Variants in SEMA6D observed in about 807,000 individuals in gnomAD.
The protein encoded by SEMA6D is semaphorin-6D.
SEMA6D carries 35 observed loss-of-function variants against 106.6 expected under a neutral mutation model. The ratio of observed to expected loss-of-function variants is 0.33; its 90% CI spans 0.25 to 0.44. The LOEUF (loss-of-function observed/expected upper bound fraction) is 0.44, where lower values mean the gene tolerates loss of function less well. Ranked by LOEUF, SEMA6D falls within the 20% of genes least tolerant of loss-of-function variation. The pLI, the probability that SEMA6D is intolerant of heterozygous loss-of-function variation, is 1.00. For missense variants in SEMA6D, 1,185 were observed against 1,345.9 expected (o/e 0.88, Z 1.87); for synonymous variants, 499 against 487.7 (o/e 1.02, Z -0.31).
chr15:47,555,841 T>G (rs746254416), intron 3 of SEMA6D, among the ~76,000 whole-genome samples: 1 of 152,164 alleles, frequency 6.6e-6, no homozygotes, highest in Non-Finnish European at 1.5e-5. Flanking sequence ...AGCCAAAATA[T>G]AGATACTTTC....
At chr15:47,435,098 AG>A (rs1207574093) in intron 2 of SEMA6D, among the ~76,000 whole-genome samples, 1 of 152,134 alleles carries the variant, frequency 6.6e-6, no homozygotes, top group Non-Finnish European at 1.5e-5. Context: ...TTCGAATTTC[AG>A]TTTCTTTTTA....
chr15:47,665,278 A>G (rs1388786390), intron 4 of SEMA6D, among the ~76,000 whole-genome samples: 1 of 152,192 alleles, frequency 6.6e-6, no homozygotes, highest in African/African-American at 2.4e-5. Flanking sequence ...CATTTCCTCT[A>G]CGTTTAATTG....
chr15:47,214,290 CAGAG>C (rs1270429015), intron 1 of SEMA6D, among the ~76,000 whole-genome samples: 1 of 151,860 alleles, frequency 6.6e-6, no homozygotes, highest in Non-Finnish European at 1.5e-5. Flanking sequence ...GTCTTGTTGA[CAGAG>C]AGAAGGGAAA....
chr15:47,683,535 T>C (rs1211371778), intron 4 of SEMA6D, among the ~76,000 whole-genome samples: 2 of 152,236 alleles, frequency 1.3e-5, no homozygotes, highest in Non-Finnish European at 2.9e-5. Flanking sequence ...ACTCTGTACA[T>C]GGAAAACTCA....
At chr15:47,486,331 T>C (rs1277369590) in intron 3 of SEMA6D, among the ~76,000 whole-genome samples, 1 of 152,168 alleles carries the variant, frequency 6.6e-6, no homozygotes, top group Non-Finnish European at 1.5e-5. Flanking sequence ...AGAACTTACA[T>C]AGATTTTTAT....
chr15:47,254,860 T>C (rs1346523430), intron 1 of SEMA6D, among the ~76,000 whole-genome samples: 4 of 147,280 alleles, frequency 2.7e-5, no homozygotes, highest in African/African-American at 1.0e-4. Flanking sequence ...TCATCAGGGA[T>C]ATTGACCTGT....
chr15:47,525,563 A>G (rs908361483), intron 3 of SEMA6D: 11 of 152,188 alleles, frequency 7.2e-5, no homozygotes, highest in African/African-American at 2.7e-4. Context: ...GGTTTTAAAA[A>G]CTCATCCACA....
intron 4 of SEMA6D, among the ~76,000 whole-genome samples, chr15:47,605,989 T>C (rs1404878337): frequency 6.6e-6 from 1 of 152,138 alleles, no homozygotes; most frequent in Non-Finnish European, 1.5e-5. Context: ...GGCTGAAAGC[T>C]CCAAGCTTCT....
intron 1 of SEMA6D, among the ~76,000 whole-genome samples, chr15:47,354,497 TTA>T (rs368121186): frequency 1.4e-5 from 2 of 145,480 alleles, no homozygotes; most frequent in Non-Finnish European, 3.0e-5. Context: ...AAGAACTAAG[TTA>T]TATATATATA....
chr15:47,541,217 T>A (rs1017594257), intron 3 of SEMA6D, among the ~76,000 whole-genome samples: 3 of 152,192 alleles, frequency 2.0e-5, no homozygotes, highest in African/African-American at 7.2e-5. Flanking sequence ...TTGAAAATGC[T>A]GTTAGGAAGG....
intron 3 of SEMA6D, among the ~76,000 whole-genome samples, chr15:47,521,410 C>G (rs1656621): frequency 0.011 from 1,686 of 152,248 alleles, 28 homozygotes; most frequent in African/African-American, 0.039. Context: ...TGGACAATCT[C>G]TTCAACTAAA....
intron 3 of SEMA6D, among the ~76,000 whole-genome samples, chr15:47,555,625 G>A (rs2045895835): frequency 6.6e-6 from 1 of 152,128 alleles, no homozygotes; most frequent in Non-Finnish European, 1.5e-5. Flanking sequence ...AACATAGATT[G>A]CTGAGGCCAG....
intron 3 of SEMA6D, among the ~76,000 whole-genome samples, chr15:47,476,035 A>C (rs761679925): frequency 9.2e-5 from 14 of 152,190 alleles, no homozygotes; most frequent in Non-Finnish European, 1.8e-4. Context: ...CCTGTGCCAC[A>C]GGGGAGGGAC....
intron 1 of SEMA6D, among the ~76,000 whole-genome samples, chr15:47,215,392 A>G (rs963773038): frequency 6.6e-6 from 1 of 152,110 alleles, no homozygotes. Flanking sequence ...ACATTTTGCT[A>G]CACAGGGATC....
intron 4 of SEMA6D, among the ~76,000 whole-genome samples, chr15:47,633,692 A>G (rs550113350): frequency 6.6e-6 from 1 of 152,224 alleles, no homozygotes; most frequent in East Asian, 1.9e-4. Flanking sequence ...GAAATGTTCT[A>G]CTTCATTTAA....
At chr15:47,575,818 A>C (rs2076147379) in intron 3 of SEMA6D, among the ~76,000 whole-genome samples, 1 of 152,160 alleles carries the variant, frequency 6.6e-6, no homozygotes, top group Non-Finnish European at 1.5e-5. Flanking sequence ...ACATTGTGGT[A>C]TCTCTCCTTT....
At chr15:47,218,526 A>G (rs1202270585) in intron 1 of SEMA6D, among the ~76,000 whole-genome samples, 1 of 152,210 alleles carries the variant, frequency 6.6e-6, no homozygotes, top group East Asian at 1.9e-4. Flanking sequence ...GACTGTGACT[A>G]ACAGCATCAA....
chr15:47,276,509 G>A (rs7165678), intron 1 of SEMA6D, among the ~76,000 whole-genome samples: 94,747 of 151,952 alleles, frequency 0.62, 30,003 homozygotes, highest in East Asian at 0.92. Context: ...TGCTAACTCT[G>A]CTCTGTTTGT....
chr15:47,196,348 T>C (rs1894357828), intron 1 of SEMA6D, among the ~76,000 whole-genome samples: 1 of 152,164 alleles, frequency 6.6e-6, no homozygotes, highest in Non-Finnish European at 1.5e-5. Flanking sequence ...GCAGAGAGGC[T>C]TTCTGAGCCA....
Sources: allele counts gnomAD v4.1 joint callset (sites outside exome capture counted in the v4.1 genomes callset), GRCh38; gene constraint gnomAD v4.1.1; transcripts MANE v1.5; gene names NCBI Gene and HGNC (gene_info 2026-07-23, HGNC 2026-07-21).